Variants in SLC39A12 observed in about 807,000 individuals in gnomAD.
The protein encoded by SLC39A12 is zinc transporter ZIP12.
SLC39A12 carries 63 observed loss-of-function variants against 71.1 expected under a neutral mutation model. That is an observed-to-expected ratio of 0.89 (90% CI 0.72 to 1.09). The LOEUF is 1.09. Ranked by LOEUF, SLC39A12 falls within the 50% of genes least tolerant of loss-of-function variation. SLC39A12 has a pLI of 0.00. For synonymous variants in SLC39A12, 351 were observed against 301.3 expected, an observed-to-expected ratio of 1.16 and a Z score of -1.71; for missense variants, 892 against 812.6, an observed-to-expected ratio of 1.10 and a Z score of -1.19.
chr10:18,035,789 T>G (rs1434233328), intron 12 of SLC39A12, among the ~76,000 whole-genome samples: 1 of 152,238 alleles, frequency 6.6e-6, no homozygotes, highest in African/African-American at 2.4e-5. Flanking sequence ...TTATCTACTT[T>G]TGGTCTTTGA....
At chr10:17,999,793 T>C (rs1022815413) in intron 10 of SLC39A12, among the ~76,000 whole-genome samples, 5 of 152,168 alleles carry the variant, frequency 3.3e-5, no homozygotes, top group African/African-American at 1.2e-4. Context: ...GAAACGTTGG[T>C]CGTGGTTCCG....
intron 7 of SLC39A12, among the ~76,000 whole-genome samples, chr10:17,990,802 T>C (rs190840700): frequency 5.5e-4 from 84 of 152,338 alleles, no homozygotes; most frequent in Admixed American, 4.6e-3. Context: ...CAGATGCAGA[T>C]TGGACTCCTG....
At chr10:17,966,990 G>T (rs1834842344) in intron 4 of SLC39A12, among the ~76,000 whole-genome samples, 1 of 151,780 alleles carries the variant, frequency 6.6e-6, no homozygotes, top group South Asian at 2.1e-4. Context: ...AAAAAATTCA[G>T]TTAGTGTTCA....
At chr10:18,025,236 ATT>A (rs34486261) in intron 12 of SLC39A12, among the ~76,000 whole-genome samples, 1,551 of 151,258 alleles carry the variant, frequency 0.01, 20 homozygotes, top group Middle Eastern at 0.014. Context: ...TTTTATTTTT[ATT>A]TTTTTTTATT....
chr10:18,014,610 A>G (rs1836325814), intron 12 of SLC39A12, among the ~76,000 whole-genome samples: 1 of 152,204 alleles, frequency 6.6e-6, no homozygotes, highest in Non-Finnish European at 1.5e-5. Flanking sequence ...TTTAAGTTGT[A>G]TGAATAGAGA....
At chr10:17,997,832 C>T (rs1410945791) in intron 10 of SLC39A12, among the ~76,000 whole-genome samples, 1 of 152,174 alleles carries the variant, frequency 6.6e-6, no homozygotes, top group Non-Finnish European at 1.5e-5. Flanking sequence ...TAAAAAAGCA[C>T]AGTGATACCA....
At chr10:17,973,850 C>T (rs1199379285) in intron 4 of SLC39A12, among the ~76,000 whole-genome samples, 1 of 151,022 alleles carries the variant, frequency 6.6e-6, no homozygotes, top group African/African-American at 2.4e-5. Context: ...CCCATCTCCT[C>T]TTTGAGGCCA....
At chr10:18,041,685 ATGTATATATG>A (rs1837242249) in intron 12 of SLC39A12, among the ~76,000 whole-genome samples, 6 of 45,104 alleles carry the variant, frequency 1.3e-4, no homozygotes, top group Admixed American at 1.0e-3. Context: ...GTATATACAT[ATGTATATATG>A]TGTATATATA....
chr10:18,003,543 G>C, intron 12 of SLC39A12, 185 bp downstream of exon 12: 2 of 522,772 alleles, frequency 3.8e-6, no homozygotes, highest in Non-Finnish European at 6.3e-6. Context: ...CATAATTTGG[G>C]TACAGAAAAT....
chr10:17,958,693 A>G (rs1201317834), intron 2 of SLC39A12, among the ~76,000 whole-genome samples: 1 of 152,214 alleles, frequency 6.6e-6, no homozygotes, highest in Non-Finnish European at 1.5e-5. Flanking sequence ...GTTTTCACAC[A>G]TTCTATGAGT....
intron 12 of SLC39A12, among the ~76,000 whole-genome samples, chr10:18,020,185 A>G (rs1453618977): frequency 1.3e-5 from 2 of 151,854 alleles, no homozygotes; most frequent in Non-Finnish European, 2.9e-5. Context: ...TTGAGTCAAT[A>G]TTTATTTCCC....
intron 12 of SLC39A12, among the ~76,000 whole-genome samples, chr10:18,040,897 A>G (rs1031241702): frequency 4.6e-5 from 7 of 152,230 alleles, no homozygotes; most frequent in South Asian, 2.1e-4. Flanking sequence ...CCCCAGAGAA[A>G]ATTTGACTGT....
chr10:18,031,092 A>C (rs369201633), intron 12 of SLC39A12, among the ~76,000 whole-genome samples: 1 of 147,542 alleles, frequency 6.8e-6, no homozygotes, highest in African/African-American at 2.5e-5. Flanking sequence ...ATTGTGAATA[A>C]TGCCGCAATA....
chr10:17,970,843 A>G (rs570349077), intron 4 of SLC39A12, among the ~76,000 whole-genome samples: 2 of 152,222 alleles, frequency 1.3e-5, no homozygotes, highest in African/African-American at 2.4e-5. Context: ...ACTATGTTTA[A>G]TAACAGTGGT....
chr10:17,975,994 T>C (rs1835099473), intron 4 of SLC39A12, among the ~76,000 whole-genome samples: 2 of 152,160 alleles, frequency 1.3e-5, no homozygotes, highest in African/African-American at 2.4e-5. Flanking sequence ...GCCCCCCTAC[T>C]GTCAGCACCC....
chr10:18,032,970 T>C (rs1379089897), intron 12 of SLC39A12, among the ~76,000 whole-genome samples: 1 of 150,204 alleles, frequency 6.7e-6, no homozygotes. Flanking sequence ...TTGCGTATAT[T>C]GAACCAGCCT....
rs753338735 is a variant in SLC39A12, at chr10:18,042,732, C to G, written c.1975C>G (p.Gln659Glu). 1 of 1,611,858 alleles carries G rather than the reference C, an allele frequency of 6.2e-7. No individual in the cohort carries two copies. Among genetic ancestry groups the G allele is most frequent in the Admixed American group, 1.7e-5 (1 of 59,630 alleles). Residue 659 changes from glutamine (Q) to glutamate (E), a missense_variant, in exon 13 of 13, where the codon CAA becomes GAA. Transcript: ENST00000377369. Reference sequence around the variant, plus strand: ...TCCTGAAATGACTCATGTTCAAACACAACGACCCTGGATGATGTTTCTCCT... The same window carrying G: ...TCCTGAAATGACTCATGTTCAAACAGAACGACCCTGGATGATGTTTCTCCT... Reference protein sequence around the residue: ...MLPEMTHVQTQRPWMMFLLQN... With the variant: ...MLPEMTHVQTERPWMMFLLQN...
intron 10 of SLC39A12, among the ~76,000 whole-genome samples, chr10:17,996,071 T>C (rs568741025): frequency 1.3e-5 from 2 of 152,330 alleles, no homozygotes; most frequent in South Asian, 2.1e-4. Flanking sequence ...CTGTGAAGTA[T>C]GGATATATCA....
chr10:17,986,478 G>A (rs895140181), intron 6 of SLC39A12, among the ~76,000 whole-genome samples: 1 of 152,112 alleles, frequency 6.6e-6, no homozygotes, highest in Non-Finnish European at 1.5e-5. Context: ...CCTGGTTCAT[G>A]GACTGGTGAA....
Sources: gnomAD v4.1 joint callset for allele counts (sites outside exome capture counted in the v4.1 genomes callset) on GRCh38, gnomAD v4.1.1 for gene constraint, MANE v1.5 for transcripts, NCBI Gene and HGNC (gene_info 2026-07-23, HGNC 2026-07-21) for gene names.